MYOM2: variants seen among roughly 807,000 people sequenced by gnomAD.
MYOM2 encodes the protein myomesin 2.
Under a neutral mutation model 187.6 loss-of-function variants are expected in MYOM2, and 254 were observed. The observed-to-expected ratio is 1.35, with a 90% CI of 1.22 to 1.50. The LOEUF is 1.50. Among genes scored for constraint, MYOM2 ranks in the 40% most tolerant of loss-of-function variants. MYOM2 has a pLI of 0.00. For synonymous variants in MYOM2, 981 were observed against 753.8 expected (o/e 1.30, Z -4.94); for missense variants, 2,796 against 1,924.0 (o/e 1.45, Z -8.48).
At chr8:2,076,088 G>A (rs1819406235) in intron 10 of MYOM2, 53 bp from the exon 11 acceptor site, 4 of 1,558,028 alleles carry the variant, frequency 2.6e-6, no homozygotes, top group Admixed American at 3.7e-5. Context: ...AGGCTTTGCA[G>A]TGACCCCAGC....
At chr8:2,141,098 G>T (rs1339947861) in intron 33 of MYOM2, 43 bp from the exon 34 acceptor site, 17 of 1,576,642 alleles carry the variant, frequency 1.1e-5, no homozygotes, top group Admixed American at 3.4e-5. Flanking sequence ...AATAAAATCT[G>T]AACACTGAAA....
intron 13 of MYOM2, among the ~76,000 whole-genome samples, chr8:2,082,445 C>G (rs1343721068): frequency 2.0e-5 from 3 of 151,926 alleles, no homozygotes; most frequent in African/African-American, 7.3e-5. Flanking sequence ...TGGTAAATGC[C>G]CCTTGTTTTA....
chr8:2,073,438 A>T lies in MYOM2; in HGVS notation c.1058A>T (p.Tyr353Phe), dbSNP rs140464662. 1.2e-4 allele frequency: 192 copies of T among 1,612,554 alleles called. 1 individual carries two copies. The African/African-American group carries it at 2.2e-3, about 19-fold the overall frequency. The change falls in exon 10 of 37, where the codon TAC becomes TTC. Residue 353 changes from tyrosine (Y) to phenylalanine (F), a missense_variant. Coordinates refer to ENST00000262113, the MANE Select transcript of MYOM2 (RefSeq NM_003970.4). ...SHLHKDDEGL[Y>F]TLRIVSRGGV... is the part of the protein sequence containing the mutation. ...CTGCACAAGGACGACGAGGGCCTGT[A>T]CACCCTGCGCATCGTGTCTCGGGGC...
intron 19 of MYOM2, 23 bp from the exon 20 acceptor site, chr8:2,100,853 C>G: frequency 1.2e-6 from 2 of 1,613,510 alleles, no homozygotes; most frequent in Admixed American, 1.7e-5. Flanking sequence ...CGCGCAGAAA[C>G]AAGGTGGCAT....
intron 6 of MYOM2, among the ~76,000 whole-genome samples, chr8:2,061,192 G>T (rs529052240): frequency 6.6e-6 from 1 of 151,868 alleles, no homozygotes; most frequent in Non-Finnish European, 1.5e-5. Flanking sequence ...GAGGGAGGGG[G>T]TCTCTGTCCC....
intron 11 of MYOM2, chr8:2,076,605 G>C (rs759364035): frequency 5.3e-5 from 15 of 283,204 alleles, no homozygotes; most frequent in Non-Finnish European, 9.9e-5. Context: ...GGTCCGGGCT[G>C]TGCCCCGTAC....
chr8:2,047,447 T>G (rs1281461004), intron 1 of MYOM2, among the ~76,000 whole-genome samples: 7 of 151,936 alleles, frequency 4.6e-5, no homozygotes, highest in African/African-American at 1.7e-4. Flanking sequence ...AAAAGTGGAG[T>G]TGAGGGCACA....
chr8:2,048,777 T>A (rs998168945), intron 1 of MYOM2, among the ~76,000 whole-genome samples: 3 of 130,558 alleles, frequency 2.3e-5, no homozygotes, highest in Non-Finnish European at 3.1e-5. Flanking sequence ...TTATTTATTT[T>A]ATTTTTTATT....
In MYOM2 at chr8:2,096,249, G is replaced by A. The variant is rs375251527; in HGVS notation, c.2128G>A (p.Val710Ile). 124 of 1,612,612 alleles carry A rather than the reference G, an allele frequency of 7.7e-5. No individual in the cohort carries two copies. The highest frequency in any genetic ancestry group is 3.0e-4 in the Admixed American group (18 of 59,892). Residue 710 changes from valine to isoleucine, a missense_variant and splice_region_variant, in exon 18 of 37, where the codon GTC becomes ATC. Val to Ile is a conservative substitution (Grantham distance 29). Transcript: ENST00000262113. ...TCCCTGGTTGTGCTTCCTTGCAGCCGTCCCGTCCCATCCTTATGGGATTAC... is the reference window on the plus strand; with the variant it reads ...TCCCTGGTTGTGCTTCCTTGCAGCCATCCCGTCCCATCCTTATGGGATTAC... ...DVIKVQAALT[V>I]PSHPYGITLL... is the part of the protein sequence containing the mutation.
chr8:2,132,948 G>A (rs1409751258), intron 32 of MYOM2, among the ~76,000 whole-genome samples: 1 of 152,162 alleles, frequency 6.6e-6, no homozygotes, highest in Non-Finnish European at 1.5e-5. Context: ...GCAGTGGCTG[G>A]CCATGTCTAC....
chr8:2,050,778 G>T lies in MYOM2; in HGVS notation c.12G>T (p.Val4=), dbSNP rs760329657. The change falls in exon 2 of 37, where the codon GTG becomes GTT. Residue 4 remains valine (V), a synonymous_variant. Coordinates refer to ENST00000262113, the MANE Select transcript of MYOM2 (RefSeq NM_003970.4). ...AGGAGCACGCCAAGATGTCCCTTGT[G>T]ACTGTCCCCTTCTACCAGAAGAGAC... MSL[V]TVPFYQKRHR... is the part of the protein sequence containing the mutation. 7 of 1,612,208 alleles carry T rather than the reference G, an allele frequency of 4.3e-6. No individual in the cohort carries two copies. The African/African-American group carries it at 9.3e-5, about 22-fold the overall frequency.
At chr8:2,055,620 G>A (rs934079433) in intron 3 of MYOM2, among the ~76,000 whole-genome samples, 3 of 152,156 alleles carry the variant, frequency 2.0e-5, no homozygotes, top group Non-Finnish European at 4.4e-5. Flanking sequence ...ATTTCTGTAC[G>A]AAGAGGCTGC....
intron 18 of MYOM2, among the ~76,000 whole-genome samples, chr8:2,097,382 C>T (rs1422594968): frequency 6.6e-6 from 1 of 152,048 alleles, no homozygotes; most frequent in Non-Finnish European, 1.5e-5. Context: ...AATAATTGTA[C>T]GTATGGGGTA....
At chr8:2,060,965 G>T (rs998753869) in intron 6 of MYOM2, among the ~76,000 whole-genome samples, 2 of 152,084 alleles carry the variant, frequency 1.3e-5, no homozygotes, top group African/African-American at 4.8e-5. Context: ...GGGGAGATGG[G>T]GGTGAGGGGG....
chr8:2,055,102 TG>T (rs2129328376), intron 3 of MYOM2, among the ~76,000 whole-genome samples: 1 of 24,780 alleles, frequency 4.0e-5, no homozygotes, highest in African/African-American at 8.7e-5. Flanking sequence ...ACCTGGATAC[TG>T]GGGTAACCAA....
chr8:2,078,962 G>T (rs1190931495), intron 12 of MYOM2, 29 bp downstream of exon 12: 1 of 1,605,400 alleles, frequency 6.2e-7, no homozygotes, highest in Non-Finnish European at 8.5e-7. Flanking sequence ...AGTATCCACT[G>T]TGCCCAGGAA....
chr8:2,108,889 C>G, intron 24 of MYOM2, 59 bp downstream of exon 24: 1 of 1,521,976 alleles, frequency 6.6e-7, no homozygotes, highest in East Asian at 2.3e-5. Flanking sequence ...GGGCCGTGTT[C>G]ATTAATGCAT....
chr8:2,096,674 A>G (rs1165319517), intron 18 of MYOM2, among the ~76,000 whole-genome samples: 1 of 152,220 alleles, frequency 6.6e-6, no homozygotes, highest in Admixed American at 6.5e-5. Context: ...CAGTGAGTCC[A>G]TGACCTCTGG....
intron 11 of MYOM2, among the ~76,000 whole-genome samples, chr8:2,077,146 C>A (rs1480310887): frequency 6.6e-6 from 1 of 151,942 alleles, no homozygotes; most frequent in African/African-American, 2.4e-5. Flanking sequence ...CCTGTCTCTA[C>A]TAAAAATACA....
Sources: gnomAD v4.1 joint callset for allele counts (sites outside exome capture counted in the v4.1 genomes callset) on GRCh38, gnomAD v4.1.1 for gene constraint, MANE v1.5 for transcripts, NCBI Gene and HGNC (gene_info 2026-07-23, HGNC 2026-07-21) for gene names.